Variants in GARNL3 observed in about 807,000 individuals in gnomAD.
The protein encoded by GARNL3 is GTPase activating Rap/RanGAP domain like 3.
Under a neutral mutation model 125.0 loss-of-function variants are expected in GARNL3, and 63 were observed. The observed-to-expected ratio is 0.50, with a 90% CI of 0.41 to 0.62. The LOEUF is 0.62. Among genes scored for constraint, GARNL3 ranks in the 20% least tolerant of loss-of-function variants. The probability of loss-of-function intolerance (pLI) is 0.00; values close to 1 mark genes in which losing one functional copy is unlikely to be tolerated. For missense variants in GARNL3, 994 were observed against 1,244.0 expected (o/e 0.80, Z 3.02); for synonymous variants, 439 against 457.5 (o/e 0.96, Z 0.52).
At chr9:127,260,581 T>C (rs1273490722), upstream of GARNL3, among the ~76,000 whole-genome samples, 1 of 152,180 alleles carries the variant, frequency 6.6e-6, no homozygotes, top group Non-Finnish European at 1.5e-5. Flanking sequence ...AGTTCGTAAA[T>C]AGTTTGGGCT....
At chr9:127,253,278 A>G (rs2063437865) in intron 2 of GARNL3, among the ~76,000 whole-genome samples, 1 of 152,176 alleles carries the variant, frequency 6.6e-6, no homozygotes, top group South Asian at 2.1e-4. Context: ...ACAGAAGGAA[A>G]AAAAACAAGG....
At chr9:127,322,184 T>G (rs1275806819) in intron 6 of GARNL3, among the ~76,000 whole-genome samples, 2 of 152,178 alleles carry the variant, frequency 1.3e-5, no homozygotes, top group African/African-American at 4.8e-5. Context: ...TCAGTACCCA[T>G]GTGTCCTTAT....
In GARNL3 at chr9:127,236,184, A is replaced by T. The variant is rs558415254; in HGVS notation, c.-28-6895A>T. On this transcript the variant is annotated intron_variant, in intron 1 of 10. Transcript: ENST00000439286. ...AAACTGGTTGGACTCAGTACCTGAA[A>T]GTACATTCCTACAGTTAGTTCTGCC... 1.7e-4 allele frequency among the ~76,000 whole-genome samples: 26 copies of T among 152,338 alleles called. No individual in the cohort carries two copies. In the South Asian group the frequency reaches 5.4e-3, roughly 32 times the overall value.
At chr9:127,332,953 C>T in intron 8 of GARNL3, 70 bp from the exon 9 acceptor site, 3 of 1,058,516 alleles carry the variant, frequency 2.8e-6, no homozygotes, top group Non-Finnish European at 4.4e-6. Context: ...TCCAGCGATT[C>T]CGGTCCATAG....
chr9:127,243,288 A>G (rs1299820404), intron 2 of GARNL3: 2 of 1,348,932 alleles, frequency 1.5e-6, no homozygotes, highest in East Asian at 4.6e-5. Flanking sequence ...GTTTGGGTTT[A>G]TGTTCACTAT....
At chr9:127,376,460 C>A (rs1458213200) in intron 22 of GARNL3, among the ~76,000 whole-genome samples, 1 of 152,030 alleles carries the variant, frequency 6.6e-6, no homozygotes, top group African/African-American at 2.4e-5. Flanking sequence ...CCTAGTGATC[C>A]GCCCGCCTCG....
intron 20 of GARNL3, among the ~76,000 whole-genome samples, chr9:127,356,782 T>C (rs1830711087): frequency 6.6e-6 from 1 of 152,244 alleles, no homozygotes; most frequent in Non-Finnish European, 1.5e-5. Context: ...TAAGCCTCAG[T>C]TTCCTCATCT....
intron 3 of GARNL3, among the ~76,000 whole-genome samples, chr9:127,312,266 A>G (rs1188520968): frequency 6.6e-6 from 1 of 152,136 alleles, no homozygotes; most frequent in African/African-American, 2.4e-5. Context: ...GGGCAAAGAC[A>G]CTCATGATAT....
intron 17 of GARNL3, among the ~76,000 whole-genome samples, chr9:127,352,222 G>A (rs1310905747): frequency 6.6e-6 from 1 of 152,140 alleles, no homozygotes; most frequent in Non-Finnish European, 1.5e-5. Context: ...ACATCCTGGA[G>A]GTGTGACCTC....
At chr9:127,354,230 G>C in intron 18 of GARNL3, 64 bp from the exon 19 acceptor site, 2 of 1,238,618 alleles carry the variant, frequency 1.6e-6, no homozygotes. Flanking sequence ...TCTGCCCCTG[G>C]AGGCCCTCCA....
intron 22 of GARNL3, among the ~76,000 whole-genome samples, chr9:127,375,697 T>C (rs1831864995): frequency 6.6e-6 from 1 of 152,192 alleles, no homozygotes; most frequent in Non-Finnish European, 1.5e-5. Flanking sequence ...TAGTGATTCC[T>C]GTCTACCAAA....
chr9:127,308,263 G>A (rs2065008706), intron 2 of GARNL3, among the ~76,000 whole-genome samples: 1 of 152,132 alleles, frequency 6.6e-6, no homozygotes. Context: ...TTCCAGCCAA[G>A]TCTGCATACC....
chr9:127,381,306 A>G (rs1832242809), intron 22 of GARNL3, among the ~76,000 whole-genome samples: 1 of 152,248 alleles, frequency 6.6e-6, no homozygotes, highest in South Asian at 2.1e-4. Flanking sequence ...AATACAGCCA[A>G]GACCCAATTG....
chr9:127,344,499 C>T (rs7863063), intron 15 of GARNL3, 160 bp downstream of exon 15: 197,435 of 622,868 alleles, frequency 0.32, 34,189 homozygotes, highest in African/African-American at 0.58. Context: ...TTTTGAGAAC[C>T]GAGTAGGTGC....
At chr9:127,316,857 T>C (rs2065254167) in intron 4 of GARNL3, among the ~76,000 whole-genome samples, 1 of 152,224 alleles carries the variant, frequency 6.6e-6, no homozygotes, top group Non-Finnish European at 1.5e-5. Context: ...TCCCTTGCCA[T>C]TGTTCAGAGC....
rs749101016 is a variant in GARNL3, at chr9:127,320,699, G to A, written c.504-16G>A. ...CTTCTCTGATGCTGCAGCTCATCCT[G>A]TCCATTCTATTTCAGTGCCATGAAT... On this transcript the variant is annotated splice_polypyrimidine_tract_variant and intron_variant, in intron 5 of 27. Coordinates refer to ENST00000373387, the MANE Select transcript of GARNL3 (RefSeq NM_032293.5). The A allele has an allele frequency of 2.5e-6, 4 of 1,600,350 alleles. No individual in the cohort carries two copies. The South Asian group carries it at 3.3e-5, about 13-fold the overall frequency.
At chr9:127,307,139 G>T (rs889226689) in intron 2 of GARNL3, among the ~76,000 whole-genome samples, 4 of 151,990 alleles carry the variant, frequency 2.6e-5, no homozygotes, top group African/African-American at 7.2e-5. Flanking sequence ...TTAGAACTTA[G>T]GGAAAATAAA....
chr9:127,341,247 A>G (rs1387554460), intron 13 of GARNL3, among the ~76,000 whole-genome samples: 2 of 152,208 alleles, frequency 1.3e-5, no homozygotes, highest in African/African-American at 4.8e-5. Flanking sequence ...ATTTATACTC[A>G]TTATTTCAAA....
intron 2 of GARNL3, chr9:127,300,340 CT>C: frequency 4.1e-6 from 1 of 245,088 alleles, no homozygotes; most frequent in South Asian, 4.8e-5. Context: ...GCTGTGTAAC[CT>C]TTTCTGGTAT....
Sources: gnomAD v4.1 joint callset for allele counts (sites outside exome capture counted in the v4.1 genomes callset) on GRCh38, gnomAD v4.1.1 for gene constraint, MANE v1.5 for transcripts, NCBI Gene and HGNC (gene_info 2026-07-23, HGNC 2026-07-21) for gene names.